The following LGSN variants were observed in gnomAD, a reference collection of about 807,000 sequenced individuals.
LGSN encodes lengsin, lens protein with glutamine synthetase domain, also known as lengsin.
LGSN carries 21 observed loss-of-function variants against 19.5 expected under a neutral mutation model. That is an observed-to-expected ratio of 1.07 (90% CI 0.76 to 1.55). The LOEUF is 1.55. LGSN is among the 40% of genes most tolerant of loss of function. The probability of loss-of-function intolerance (pLI) is 0.00; values close to 1 mark genes in which losing one functional copy is unlikely to be tolerated. For missense variants in LGSN, 673 were observed against 608.5 expected, an observed-to-expected ratio of 1.11 and a Z score of -1.12; for synonymous variants, 257 against 215.6, an observed-to-expected ratio of 1.19 and a Z score of -1.68.
At chr6:63,445,893 C>T in the LGSN span, among the ~76,000 whole-genome samples, 1 of 152,098 alleles carries the variant, frequency 6.6e-6, no homozygotes, top group African/African-American at 2.4e-5. Flanking sequence ...TCAACCCCCA[C>T]CGCCCCATGA....
chr6:63,432,057 AGAGT>A, the LGSN span, among the ~76,000 whole-genome samples: 1 of 149,320 alleles, frequency 6.7e-6, no homozygotes, highest in Admixed American at 6.9e-5. Flanking sequence ...CCTGGGTGAC[AGAGT>A]AAGACTCCAT....
chr6:63,547,385 T>G, the LGSN span, among the ~76,000 whole-genome samples: 1 of 151,486 alleles, frequency 6.6e-6, no homozygotes, highest in Non-Finnish European at 1.5e-5. Context: ...AGATAGGATT[T>G]CACCATGTTG....
At chr6:63,550,111 G>C in the LGSN span, among the ~76,000 whole-genome samples, 73 of 152,180 alleles carry the variant, frequency 4.8e-4, no homozygotes, top group African/African-American at 1.6e-3. Flanking sequence ...CGTTTAAACA[G>C]ATAAATTTTA....
the LGSN span, among the ~76,000 whole-genome samples, chr6:63,358,032 G>A: frequency 6.6e-6 from 1 of 152,094 alleles, no homozygotes; most frequent in African/African-American, 2.4e-5. Flanking sequence ...AAGGGATCCA[G>A]TTTCAGCTTT....
intron 1 of LGSN, among the ~76,000 whole-genome samples, chr6:63,302,335 T>A (rs957399853): frequency 2.0e-5 from 3 of 152,336 alleles, no homozygotes; most frequent in African/African-American, 7.2e-5. Flanking sequence ...TTATTCACAG[T>A]TTATTAATTC....
chr6:63,281,256 A>T (rs765911159), intron 3 of LGSN, 36 bp from the exon 4 acceptor site: 2 of 1,411,566 alleles, frequency 1.4e-6, no homozygotes, highest in South Asian at 3.9e-5. Context: ...TTAGGTTTTG[A>T]AAACAAACAA....
the LGSN span, among the ~76,000 whole-genome samples, chr6:63,531,969 T>C: frequency 6.6e-6 from 1 of 152,012 alleles, no homozygotes; most frequent in Admixed American, 6.6e-5. Flanking sequence ...GCTGGTTAAT[T>C]TTTGTATTTT....
chr6:63,388,738 C>G, the LGSN span, among the ~76,000 whole-genome samples: 2 of 152,144 alleles, frequency 1.3e-5, no homozygotes, highest in Admixed American at 6.5e-5. Context: ...GGTCCTAAAG[C>G]TAGAAATAAC....
At chr6:63,542,167 C>G in the LGSN span, among the ~76,000 whole-genome samples, 1 of 151,990 alleles carries the variant, frequency 6.6e-6, no homozygotes, top group African/African-American at 2.4e-5. Flanking sequence ...TGAAGTAACT[C>G]AGGAATGGGA....
At chr6:63,330,639 C>A in the LGSN span, among the ~76,000 whole-genome samples, 1 of 152,130 alleles carries the variant, frequency 6.6e-6, no homozygotes, top group African/African-American at 2.4e-5. Context: ...TTTTCTAATT[C>A]TCCTTAGTCC....
chr6:63,477,287 C>T, the LGSN span, among the ~76,000 whole-genome samples: 474 of 152,276 alleles, frequency 3.1e-3, 2 homozygotes, highest in Admixed American at 6.3e-3. Flanking sequence ...TTTATGTCAT[C>T]CATTCTTAGT....
the LGSN span, among the ~76,000 whole-genome samples, chr6:63,366,117 G>A: frequency 6.6e-6 from 1 of 152,104 alleles, no homozygotes; most frequent in Admixed American, 6.5e-5. Context: ...AGAAAGAAAG[G>A]GTATTCAATA....
the LGSN span, among the ~76,000 whole-genome samples, chr6:63,474,765 T>TA: frequency 2.2e-5 from 3 of 139,394 alleles, no homozygotes; most frequent in South Asian, 2.3e-4. Context: ...CTACTAAAGA[T>TA]AAAAAAAATT....
At chr6:63,500,075 A>C in the LGSN span, among the ~76,000 whole-genome samples, 1 of 152,160 alleles carries the variant, frequency 6.6e-6, no homozygotes, top group Non-Finnish European at 1.5e-5. Context: ...TCATCCCCTC[A>C]GGTAGCCATC....
chr6:63,335,280 G>T, the LGSN span, among the ~76,000 whole-genome samples: 1 of 151,592 alleles, frequency 6.6e-6, no homozygotes, highest in African/African-American at 2.4e-5. Flanking sequence ...ATTCAGAATA[G>T]GTAAAAGACT....
chr6:63,440,240 A>G, the LGSN span, among the ~76,000 whole-genome samples: 9 of 152,098 alleles, frequency 5.9e-5, no homozygotes, highest in African/African-American at 1.9e-4. Flanking sequence ...TTCCTGACTG[A>G]TTCTCCCTGC....
intron 1 of LGSN, among the ~76,000 whole-genome samples, chr6:63,313,410 T>C (rs1224030475): frequency 6.6e-6 from 1 of 151,934 alleles, no homozygotes; most frequent in African/African-American, 2.4e-5. Flanking sequence ...AGAAATATTA[T>C]CAAATGAAAA....
the LGSN span, among the ~76,000 whole-genome samples, chr6:63,384,798 A>T: frequency 6.6e-6 from 1 of 152,250 alleles, no homozygotes; most frequent in African/African-American, 2.4e-5. Context: ...GATTACAGGC[A>T]TGAGCCACTG....
the LGSN span, among the ~76,000 whole-genome samples, chr6:63,351,375 G>C: frequency 9.1e-3 from 1,375 of 150,500 alleles, 10 homozygotes; most frequent in African/African-American, 0.023. Context: ...AAATATCTCT[G>C]TGTGTGTGTG....
Sources: gnomAD v4.1 joint callset for allele counts (sites outside exome capture counted in the v4.1 genomes callset) on GRCh38, gnomAD v4.1.1 for gene constraint, MANE v1.5 for transcripts, NCBI Gene and HGNC (gene_info 2026-07-23, HGNC 2026-07-21) for gene names.